The following BABAM2 variants were observed in gnomAD, a reference collection of about 807,000 sequenced individuals.
BABAM2 encodes BRISC and BRCA1-A complex member 2.
Under a neutral mutation model 54.7 loss-of-function variants are expected in BABAM2, and 31 were observed. The observed-to-expected ratio is 0.57, with a 90% CI of 0.43 to 0.77. The LOEUF (loss-of-function observed/expected upper bound fraction) is 0.77, where lower values mean the gene tolerates loss of function less well. Ranked by LOEUF, BABAM2 falls within the 30% of genes least tolerant of loss-of-function variation. The pLI is 0.00. For missense variants in BABAM2, 364 were observed against 455.8 expected (o/e 0.80, Z 1.83); for synonymous variants, 167 against 162.9 (o/e 1.03, Z -0.19).
intron 6 of BABAM2, among the ~76,000 whole-genome samples, chr2:28,128,257 A>C (rs1669745432): frequency 6.6e-6 from 1 of 152,254 alleles, no homozygotes; most frequent in African/African-American, 2.4e-5. Flanking sequence ...TTAAGTGTTT[A>C]ACACATATTA....
chr2:28,129,512 C>A, intron 7 of BABAM2, 132 bp downstream of exon 7: 1 of 824,324 alleles, frequency 1.2e-6, no homozygotes, highest in Non-Finnish European at 1.9e-6. Context: ...AAAAATTCAT[C>A]ATATTAAGAG....
chr2:28,188,071 G>A (rs536728773), intron 7 of BABAM2, among the ~76,000 whole-genome samples: 2 of 152,266 alleles, frequency 1.3e-5, no homozygotes, highest in Non-Finnish European at 2.9e-5. Context: ...ATTCTTTGGG[G>A]TTGAACTCAA....
intron 9 of BABAM2, among the ~76,000 whole-genome samples, chr2:28,243,340 T>A (rs1682617221): frequency 6.6e-6 from 1 of 152,102 alleles, no homozygotes; most frequent in South Asian, 2.1e-4. Context: ...GAGACCAGCC[T>A]GACCAACACA....
At chr2:28,206,683 G>T (rs1678882102) in intron 7 of BABAM2, among the ~76,000 whole-genome samples, 1 of 152,138 alleles carries the variant, frequency 6.6e-6, no homozygotes, top group African/African-American at 2.4e-5. Flanking sequence ...TCTTCCAGGG[G>T]TGACATCTTT....
chr2:28,219,779 G>A (rs546557644), intron 7 of BABAM2, among the ~76,000 whole-genome samples: 12 of 152,280 alleles, frequency 7.9e-5, no homozygotes, highest in South Asian at 6.2e-4. Context: ...TGATGTTGTC[G>A]TAACAGAGCC....
chr2:28,162,925 TC>T (rs1673241138), intron 7 of BABAM2, among the ~76,000 whole-genome samples: 1 of 152,234 alleles, frequency 6.6e-6, no homozygotes, highest in Non-Finnish European at 1.5e-5. Flanking sequence ...CTGCTAGATG[TC>T]AGTTTTTTTC....
chr2:28,125,935 G>C (rs1669482970), intron 6 of BABAM2, among the ~76,000 whole-genome samples: 1 of 152,152 alleles, frequency 6.6e-6, no homozygotes, highest in Non-Finnish European at 1.5e-5. Flanking sequence ...AAAACAGAAG[G>C]TTAAAGAGCT....
chr2:28,144,890 A>G (rs1671362085), intron 7 of BABAM2, among the ~76,000 whole-genome samples: 1 of 152,208 alleles, frequency 6.6e-6, no homozygotes, highest in Non-Finnish European at 1.5e-5. Context: ...GTTAGCTTCC[A>G]AAGTCCTTGG....
At chr2:28,196,142 G>A (rs1205847766) in intron 7 of BABAM2, among the ~76,000 whole-genome samples, 6 of 151,806 alleles carry the variant, frequency 4.0e-5, no homozygotes, top group East Asian at 2.0e-4. Context: ...CCTGGCTAAC[G>A]TGGTGAAACC....
chr2:28,256,758 G>C (rs978361463), intron 10 of BABAM2, among the ~76,000 whole-genome samples: 7 of 140,140 alleles, frequency 5.0e-5, no homozygotes, highest in Non-Finnish European at 9.0e-5. Context: ...GCAATGGCAC[G>C]ATCTCAGCTC....
intron 5 of BABAM2, among the ~76,000 whole-genome samples, chr2:28,036,860 A>G (rs1158277063): frequency 1.3e-5 from 2 of 152,178 alleles, no homozygotes; most frequent in Non-Finnish European, 2.9e-5. Context: ...AACACTTACC[A>G]TGTCGTACTA....
chr2:27,922,451 T>C (rs926329658), intron 2 of BABAM2, among the ~76,000 whole-genome samples: 40 of 152,230 alleles, frequency 2.6e-4, no homozygotes, highest in African/African-American at 9.6e-4. Context: ...GCGTCAATGA[T>C]TAACTGCCAT....
chr2:28,129,530 T>C (rs1190905239), intron 7 of BABAM2, 150 bp downstream of exon 7: 3 of 730,798 alleles, frequency 4.1e-6, no homozygotes, highest in Non-Finnish European at 6.8e-6. Context: ...GAGTTTCCAT[T>C]GCAGAGTAAA....
chr2:27,957,430 C>T (rs188584472), intron 3 of BABAM2, among the ~76,000 whole-genome samples: 1 of 152,254 alleles, frequency 6.6e-6, no homozygotes, highest in East Asian at 1.9e-4. Context: ...ATAGCCTGTC[C>T]TTAAGCTCAC....
chr2:28,312,988 C>G lies in BABAM2; in HGVS notation c.1088+14497C>G, dbSNP rs559598725. Among the ~76,000 whole-genome samples, 22 of 152,306 alleles carry G rather than the reference C, an allele frequency of 1.4e-4. No individual in the cohort carries two copies. The South Asian group carries it at 4.6e-3, about 32-fold the overall frequency. ...GCCCAGCCCAAGCCACCTCTGACCT[C>G]CTACGTTTCCCCTCTTTCCTGCTCC... On this transcript the variant is annotated intron_variant, in intron 11 of 11. Coordinates refer to ENST00000379624, the MANE Select transcript of BABAM2 (RefSeq NM_199191.3).
At chr2:27,994,238 A>T (rs1672976309) in intron 4 of BABAM2, among the ~76,000 whole-genome samples, 1 of 152,232 alleles carries the variant, frequency 6.6e-6, no homozygotes, top group African/African-American at 2.4e-5. Flanking sequence ...ACTTTACCAT[A>T]TCCATGTATG....
At chr2:27,918,880 G>A (rs928280311) in intron 2 of BABAM2, among the ~76,000 whole-genome samples, 1 of 152,060 alleles carries the variant, frequency 6.6e-6, no homozygotes, top group Admixed American at 6.6e-5. Flanking sequence ...TGTAGAGACA[G>A]GGTTTCTCCA....
At chr2:28,145,819 G>C (rs1671444768) in intron 7 of BABAM2, among the ~76,000 whole-genome samples, 1 of 152,092 alleles carries the variant, frequency 6.6e-6, no homozygotes, top group Non-Finnish European at 1.5e-5. Flanking sequence ...TATGTAAGTG[G>C]AATCATACAA....
chr2:27,958,561 C>A (rs1670255587), intron 3 of BABAM2, among the ~76,000 whole-genome samples: 1 of 149,792 alleles, frequency 6.7e-6, no homozygotes, highest in South Asian at 2.1e-4. Context: ...TATACACACA[C>A]ATATATATGT....
Sources: gnomAD v4.1 joint callset for allele counts (sites outside exome capture counted in the v4.1 genomes callset) on GRCh38, gnomAD v4.1.1 for gene constraint, MANE v1.5 for transcripts, NCBI Gene and HGNC (gene_info 2026-07-23, HGNC 2026-07-21) for gene names.